ESRRB: variants seen among roughly 807,000 people sequenced by gnomAD.
The protein encoded by ESRRB is steroid hormone receptor ERR2.
A neutral mutation model predicts 46.0 loss-of-function variants in ESRRB; 16 were observed. The ratio of observed to expected loss-of-function variants is 0.35; its 90% CI spans 0.24 to 0.53. The LOEUF is 0.53. Among genes scored for constraint, ESRRB ranks in the 20% least tolerant of loss-of-function variants. ESRRB has a pLI of 0.93. For missense variants in ESRRB, 488 were observed against 607.4 expected (o/e 0.80, Z 2.07); for synonymous variants, 246 against 259.6 (o/e 0.95, Z 0.50).
At chr14:76,434,968 G>A (rs10129686) in intron 1 of ESRRB, among the ~76,000 whole-genome samples, 37,168 of 152,104 alleles carry the variant, frequency 0.24, 4,646 homozygotes, top group Middle Eastern at 0.31. Flanking sequence ...CTGAGCTCCA[G>A]CCTTTTCCTT....
chr14:76,461,602 G>A (rs574962614), intron 2 of ESRRB, among the ~76,000 whole-genome samples: 2 of 151,830 alleles, frequency 1.3e-5, no homozygotes, highest in African/African-American at 4.8e-5. Context: ...TCTACCTCCC[G>A]GGTTCAAGCA....
chr14:76,441,793 C>T (rs896890490), intron 2 of ESRRB, among the ~76,000 whole-genome samples: 5 of 152,230 alleles, frequency 3.3e-5, no homozygotes, highest in African/African-American at 1.2e-4. Context: ...CCAACTGGCA[C>T]AGAAACTGCA....
At chr14:76,344,554 G>C (rs1216746083) in intron 1 of ESRRB, among the ~76,000 whole-genome samples, 1 of 152,148 alleles carries the variant, frequency 6.6e-6, no homozygotes, top group East Asian at 1.9e-4. Flanking sequence ...ACTTCGCTTG[G>C]AATAATAGTC....
intron 3 of ESRRB, among the ~76,000 whole-genome samples, chr14:76,474,793 G>A (rs1889507468): frequency 6.6e-6 from 1 of 151,748 alleles, no homozygotes; most frequent in Non-Finnish European, 1.5e-5. Context: ...CTCTAGCCTG[G>A]GTGACAAACT....
intron 3 of ESRRB, chr14:76,463,193 T>C (rs541507188): frequency 9.4e-6 from 2 of 212,722 alleles, no homozygotes; most frequent in East Asian, 2.3e-4. Flanking sequence ...TTTCTCTCCC[T>C]GCGTCCTCTG....
intron 1 of ESRRB, among the ~76,000 whole-genome samples, chr14:76,316,253 T>A (rs1264338197): frequency 6.6e-6 from 1 of 152,212 alleles, no homozygotes; most frequent in Non-Finnish European, 1.5e-5. Flanking sequence ...CTTGTTCCCA[T>A]GCAGGGACTC....
intron 1 of ESRRB, among the ~76,000 whole-genome samples, chr14:76,328,420 G>C (rs972961524): frequency 6.6e-6 from 1 of 152,160 alleles, no homozygotes; most frequent in Admixed American, 6.5e-5. Context: ...CAGCTTCTGG[G>C]GGACTCTATC....
intron 1 of ESRRB, among the ~76,000 whole-genome samples, chr14:76,438,176 C>A (rs1303098799): frequency 6.6e-6 from 1 of 152,074 alleles, no homozygotes; most frequent in African/African-American, 2.4e-5. Flanking sequence ...TGGTACCAAG[C>A]CTGGACCAGT....
rs896313384 is a variant in ESRRB, at chr14:76,499,296, C to A, written c.*838C>A. On this transcript the variant is annotated 3_prime_UTR_variant, in exon 7 of 7. Transcript: ENST00000644823. ...GGGACCACACCATCCTCCCAAGAACCCTCTCCCTCTTCCTGCCTTCCCCCT... is the reference window on the plus strand; with the variant it reads ...GGGACCACACCATCCTCCCAAGAACACTCTCCCTCTTCCTGCCTTCCCCCT... The A allele has an allele frequency of 4.1e-6, 1 of 242,608 alleles. No homozygotes were observed. The highest frequency in any genetic ancestry group is 8.1e-6 in the Non-Finnish European group (1 of 123,062). 15.0% of individuals were successfully genotyped at this position (242,608 alleles called of 1,614,324 possible).
At chr14:76,452,635 AACAAAAACAAAACAAAAC>A (rs1379269925) in intron 2 of ESRRB, among the ~76,000 whole-genome samples, 33 of 128,086 alleles carry the variant, frequency 2.6e-4, no homozygotes, top group African/African-American at 1.2e-3. Flanking sequence ...AAAAAAACAA[AACAAAAACAAAACAAAAC>A]AAAAAAAAAG....
At chr14:76,374,980 G>A (rs922079286), upstream of ESRRB, among the ~76,000 whole-genome samples, 2 of 152,078 alleles carry the variant, frequency 1.3e-5, no homozygotes, top group Non-Finnish European at 2.9e-5. Flanking sequence ...AACCCTCCCT[G>A]CCTTTATTCC....
At chr14:76,353,350 C>G (rs930804541) in intron 1 of ESRRB, among the ~76,000 whole-genome samples, 4 of 152,184 alleles carry the variant, frequency 2.6e-5, no homozygotes, top group Non-Finnish European at 5.9e-5. Context: ...CTGAAAGGCC[C>G]TCATCTCTGC....
chr14:76,349,061 G>T (rs1243275783), intron 1 of ESRRB, among the ~76,000 whole-genome samples: 1 of 152,224 alleles, frequency 6.6e-6, no homozygotes, highest in Non-Finnish European at 1.5e-5. Context: ...CAGAGGAAAT[G>T]CTTCATCCTC....
At chr14:76,385,090 T>C (rs766157118) in intron 1 of ESRRB, among the ~76,000 whole-genome samples, 4 of 152,164 alleles carry the variant, frequency 2.6e-5, no homozygotes, top group African/African-American at 9.7e-5. Flanking sequence ...TTTTTGTATA[T>C]GTATCGTGGA....
At chr14:76,394,895 A>G (rs928114331) in intron 1 of ESRRB, among the ~76,000 whole-genome samples, 1 of 152,210 alleles carries the variant, frequency 6.6e-6, no homozygotes, top group Non-Finnish European at 1.5e-5. Flanking sequence ...GACATGAACC[A>G]TTCCCATGTA....
intron 1 of ESRRB, among the ~76,000 whole-genome samples, chr14:76,365,848 T>C (rs1884515731): frequency 6.6e-6 from 1 of 152,182 alleles, no homozygotes; most frequent in African/African-American, 2.4e-5. Context: ...AGATGATAAT[T>C]AAAAACACTC....
intron 3 of ESRRB, among the ~76,000 whole-genome samples, chr14:76,479,944 T>G (rs1279181855): frequency 6.6e-6 from 1 of 152,244 alleles, no homozygotes; most frequent in Non-Finnish European, 1.5e-5. Context: ...CTCAGCTCAC[T>G]GCAACCTCCA....
At position 76,376,313 on chromosome 14, in the gene ESRRB, C is replaced by T. The variant is rs1188201009; in HGVS notation, c.-89C>T. On this transcript the variant is annotated 5_prime_UTR_variant, in exon 1 of 7. Coordinates refer to ENST00000644823, the MANE Select transcript of ESRRB (RefSeq NM_001379180.1). This position sits in a 1 kb window ranked among gnomAD's most constrained non-coding sequence, Gnocchi z 4.1. ...TCGCGCTCACTGTGCCCTGCCCGGG[C>T]TCGCACCTTGCCCGTGCCCTTCACT... is the stretch of plus-strand genomic sequence containing the variant. The T allele has an allele frequency of 1.9e-6, 2 of 1,056,806 alleles. No individual in the cohort carries two copies. The highest frequency in any genetic ancestry group is 3.2e-5 in the East Asian group (1 of 30,838). 65.5% of individuals were successfully genotyped at this position (1,056,806 alleles called of 1,614,324 possible).
intron 1 of ESRRB, among the ~76,000 whole-genome samples, chr14:76,333,267 TTA>T (rs1264871536): frequency 6.3e-5 from 1 of 15,952 alleles, no homozygotes; most frequent in Non-Finnish European, 1.0e-4. Context: ...ATTATATATT[TTA>T]TATATATGAT....
Sources: allele counts gnomAD v4.1 joint callset (sites outside exome capture counted in the v4.1 genomes callset), GRCh38; gene constraint gnomAD v4.1.1; non-coding constraint Gnocchi (gnomAD v3.1); transcripts MANE v1.5; gene names NCBI Gene and HGNC (gene_info 2026-07-23, HGNC 2026-07-21).